The following NBAS variants were observed in gnomAD, a reference collection of about 807,000 sequenced individuals.
The protein encoded by NBAS is NAG/BC035112 fusion.
In NBAS, 219 loss-of-function variants were observed where a neutral mutation model predicts 302.5. That is an observed-to-expected ratio of 0.72 (90% CI 0.65 to 0.81). The LOEUF is 0.81. Ranked by LOEUF, NBAS falls within the 30% of genes least tolerant of loss-of-function variation. The pLI, the probability that NBAS is intolerant of heterozygous loss-of-function variation, is 0.00. For synonymous variants in NBAS, 1,118 were observed against 1,021.6 expected (o/e 1.09, Z -1.80); for missense variants, 2,932 against 2,841.6 (o/e 1.03, Z -0.72).
At chr2:15,112,582 C>T in the NBAS span, among the ~76,000 whole-genome samples, 1 of 152,096 alleles carries the variant, frequency 6.6e-6, no homozygotes, top group Non-Finnish European at 1.5e-5. Context: ...TTGAGAAAAT[C>T]AGCCCAGTAT....
chr2:15,390,037 C>T (rs980880708), intron 28 of NBAS, among the ~76,000 whole-genome samples: 1 of 152,170 alleles, frequency 6.6e-6, no homozygotes, highest in Non-Finnish European at 1.5e-5. Flanking sequence ...GGAAGAAATT[C>T]CCAAGATCTA....
Position 15,256,030 on chromosome 2 carries a change from T to C in NBAS, c.5725-17344A>G, listed in dbSNP as rs150959265. 1.2e-3 allele frequency among the ~76,000 whole-genome samples: 182 copies of C among 152,328 alleles called. 2 individuals carry two copies. Among genetic ancestry groups the C allele is most frequent in the African/African-American group, 4.2e-3 (175 of 41,574 alleles). On this transcript the variant is annotated intron_variant, in intron 44 of 51. Transcript: ENST00000281513. ...GTTTTTTGTTTAGTCTTGCTTTGGC[T>C]ATGAAGACTCTTTTTGGGTTCTGTA...
At chr2:14,928,988 C>T in the NBAS span, among the ~76,000 whole-genome samples, 1 of 152,208 alleles carries the variant, frequency 6.6e-6, no homozygotes, top group Admixed American at 6.5e-5. Context: ...ATTACCCTTT[C>T]ATCCTCAGTA....
At chr2:15,241,874 G>T (rs1386805467) in intron 44 of NBAS, among the ~76,000 whole-genome samples, 1 of 152,142 alleles carries the variant, frequency 6.6e-6, no homozygotes, top group East Asian at 1.9e-4. Context: ...CTAAGTCTCT[G>T]GCTTCGTGGT....
chr2:14,883,055 A>G, the NBAS span, among the ~76,000 whole-genome samples: 2 of 152,254 alleles, frequency 1.3e-5, no homozygotes, highest in African/African-American at 2.4e-5. Context: ...GACAAAGTTT[A>G]TAACTGCTAA....
chr2:14,804,572 T>C, the NBAS span, among the ~76,000 whole-genome samples: 559 of 152,334 alleles, frequency 3.7e-3, 2 homozygotes, highest in African/African-American at 0.012. Flanking sequence ...GGAAGCCTAA[T>C]CCTATATTTA....
At position 15,292,552 on chromosome 2, in the gene NBAS, A is replaced by T; in HGVS notation, c.5012T>A (p.Ile1671Asn). 1 of 1,614,188 alleles carries T rather than the reference A, an allele frequency of 6.2e-7. No homozygotes were observed. The highest frequency in any genetic ancestry group is 2.2e-5 in the East Asian group (1 of 44,878). ...TADDQYKRETILGLAETLEES... is the reference protein window; with the variant it reads ...TADDQYKRETNLGLAETLEES... ...TATCACTTACTCTGCCAGACCAAGG[A>T]TAGTTTCCCTTTTATACTGGTCATC... Residue 1671 changes from isoleucine to asparagine, a missense_variant, in exon 41 of 52, where the codon ATC becomes AAC. Transcript: ENST00000281513.
chr2:15,182,979 T>C (rs867070885), intron 50 of NBAS, among the ~76,000 whole-genome samples: 1 of 152,074 alleles, frequency 6.6e-6, no homozygotes. Flanking sequence ...TTAAGTACTC[T>C]GACATAAACA....
intron 9 of NBAS, among the ~76,000 whole-genome samples, chr2:15,531,482 G>A (rs1663212946): frequency 6.6e-6 from 1 of 152,122 alleles, no homozygotes; most frequent in Non-Finnish European, 1.5e-5. Context: ...ACACTATGGG[G>A]GTGAGTTTAG....
chr2:14,847,764 G>A, the NBAS span, among the ~76,000 whole-genome samples: 2 of 152,144 alleles, frequency 1.3e-5, no homozygotes, highest in Admixed American at 1.3e-4. Flanking sequence ...GACTTAATCT[G>A]CACTATACAG....
chr2:15,380,208 C>T (rs1674965165), intron 29 of NBAS, among the ~76,000 whole-genome samples: 1 of 152,118 alleles, frequency 6.6e-6, no homozygotes, highest in Admixed American at 6.6e-5. Flanking sequence ...TTGCTTAAAA[C>T]TATTTTTAAC....
At chr2:15,061,253 T>C in the NBAS span, among the ~76,000 whole-genome samples, 3 of 152,200 alleles carry the variant, frequency 2.0e-5, no homozygotes, top group Non-Finnish European at 4.4e-5. Context: ...AGGTGTTGAC[T>C]GAGATGCAGC....
intron 42 of NBAS, among the ~76,000 whole-genome samples, chr2:15,283,775 C>G (rs1235824120): frequency 6.6e-6 from 1 of 152,142 alleles, no homozygotes; most frequent in East Asian, 1.9e-4. Context: ...ACCCAGAAAA[C>G]AGCGACTCGA....
In NBAS at chr2:15,467,814, T is replaced by C. The variant is rs745961916; in HGVS notation, c.1878-10A>G. ...ACCAGGTAATGTAAATCTGCAAGTATAAAAGAACAAATATATTTTCATCAT... is the reference window on the plus strand; with the variant it reads ...ACCAGGTAATGTAAATCTGCAAGTACAAAAGAACAAATATATTTTCATCAT... On this transcript the variant is annotated splice_polypyrimidine_tract_variant and intron_variant, in intron 17 of 51. Coordinates refer to ENST00000281513, the MANE Select transcript of NBAS (RefSeq NM_015909.4). 3 of 1,569,230 alleles carry C rather than the reference T, an allele frequency of 1.9e-6. No individual in the cohort carries two copies. Among genetic ancestry groups the C allele is most frequent in the East Asian group, 2.2e-5 (1 of 44,528 alleles).
rs188735794 is a variant in NBAS, at chr2:15,515,798, A to G, written c.747-4448T>C. 2.0e-4 allele frequency among the ~76,000 whole-genome samples: 30 copies of G among 152,318 alleles called. No individual in the cohort carries two copies. The East Asian group carries it at 4.4e-3, about 23-fold the overall frequency. On this transcript the variant is annotated intron_variant, in intron 9 of 51. Transcript: ENST00000281513. The stretch of plus-strand genomic sequence containing the variant: ...TGTAACTTAAAAAAAAAGCCAGTCA[A>G]TGGAAGAGAAGAGTCTGAAACTCAG...
intron 22 of NBAS, among the ~76,000 whole-genome samples, chr2:15,425,094 G>A (rs1677404171): frequency 6.6e-6 from 1 of 152,100 alleles, no homozygotes; most frequent in African/African-American, 2.4e-5. Flanking sequence ...CTAACCTCGT[G>A]GGGATTGCTG....
At chr2:14,936,157 G>C in the NBAS span, among the ~76,000 whole-genome samples, 16,288 of 152,150 alleles carry the variant, frequency 0.11, 946 homozygotes, top group East Asian at 0.15. Flanking sequence ...ATGGGACAGT[G>C]CCACACCATC....
chr2:15,065,509 A>G, the NBAS span, among the ~76,000 whole-genome samples: 8 of 152,130 alleles, frequency 5.3e-5, no homozygotes, highest in Admixed American at 5.2e-4. Context: ...TAAAAACTCC[A>G]CACACGAAAT....
At chr2:15,288,789 CTG>C (rs1670173708) in intron 41 of NBAS, among the ~76,000 whole-genome samples, 1 of 152,214 alleles carries the variant, frequency 6.6e-6, no homozygotes, top group African/African-American at 2.4e-5. Context: ...TCTGCTAAGA[CTG>C]TATTTCCCCA....
Sources: gnomAD v4.1 joint callset for allele counts (sites outside exome capture counted in the v4.1 genomes callset) on GRCh38, gnomAD v4.1.1 for gene constraint, MANE v1.5 for transcripts, NCBI Gene and HGNC (gene_info 2026-07-23, HGNC 2026-07-21) for gene names.